The following ROBO1 variants were observed in gnomAD, a reference collection of about 807,000 sequenced individuals.
ROBO1 encodes the protein roundabout guidance receptor 1, also known as roundabout homolog 1.
In ROBO1, 149 loss-of-function variants were observed where a neutral mutation model predicts 195.9. The observed-to-expected ratio is 0.76, with a 90% confidence interval of 0.67 to 0.87. The LOEUF is 0.87. Among genes scored for constraint, ROBO1 ranks in the 40% least tolerant of loss-of-function variants. The pLI is 0.00. For missense variants in ROBO1, 1,933 were observed against 2,068.3 expected (o/e 0.93, Z 1.27); for synonymous variants, 816 against 733.2 (o/e 1.11, Z -1.82).
intron 29 of ROBO1, among the ~76,000 whole-genome samples, chr3:78,604,600 G>C (rs1278827951): frequency 6.6e-6 from 1 of 152,202 alleles, no homozygotes; most frequent in East Asian, 1.9e-4. Flanking sequence ...TCACACAATA[G>C]AGGCATCAGC....
At chr3:79,400,710 T>C (rs2037338376) in intron 2 of ROBO1, among the ~76,000 whole-genome samples, 1 of 152,014 alleles carries the variant, frequency 6.6e-6, no homozygotes, top group Non-Finnish European at 1.5e-5. Context: ...AAGTAGATTA[T>C]ATTAGGAGGA....
At chr3:78,832,735 G>A (rs1304118490) in intron 4 of ROBO1, among the ~76,000 whole-genome samples, 1 of 152,076 alleles carries the variant, frequency 6.6e-6, no homozygotes, top group Non-Finnish European at 1.5e-5. Flanking sequence ...GGTGAACTAG[G>A]TTGGTAGAAA....
At chr3:78,984,207 A>G (rs771967918) in intron 3 of ROBO1, among the ~76,000 whole-genome samples, 2 of 152,166 alleles carry the variant, frequency 1.3e-5, no homozygotes, top group Non-Finnish European at 2.9e-5. Context: ...GATGATGATG[A>G]TGACAATGAC....
chr3:79,371,734 A>G (rs923795723), intron 2 of ROBO1, among the ~76,000 whole-genome samples: 13 of 152,320 alleles, frequency 8.5e-5, no homozygotes, highest in African/African-American at 2.4e-4. Flanking sequence ...GAATTTGTGC[A>G]GTGAATCTCT....
intron 1 of ROBO1, among the ~76,000 whole-genome samples, chr3:79,682,834 T>A (rs1425265607): frequency 6.6e-6 from 1 of 152,040 alleles, no homozygotes; most frequent in Non-Finnish European, 1.5e-5. Context: ...GTTCATGAAG[T>A]TAGCCAGTAG....
intron 4 of ROBO1, among the ~76,000 whole-genome samples, chr3:78,793,340 A>G (rs932278549): frequency 2.6e-5 from 4 of 152,182 alleles, no homozygotes; most frequent in Admixed American, 6.5e-5. Context: ...AAAGATAGCG[A>G]TATCTGTCAA....
intron 2 of ROBO1, among the ~76,000 whole-genome samples, chr3:79,213,732 G>A (rs1220880857): frequency 6.6e-6 from 1 of 150,514 alleles, no homozygotes; most frequent in African/African-American, 2.5e-5. Context: ...CCCACCCACT[G>A]CTTTCCTGGG....
At chr3:78,983,796 G>A (rs1489788447) in intron 3 of ROBO1, among the ~76,000 whole-genome samples, 4 of 152,226 alleles carry the variant, frequency 2.6e-5, no homozygotes, top group Admixed American at 6.5e-5. Flanking sequence ...AGAAACTAGC[G>A]CCATCTTGGT....
intron 2 of ROBO1, among the ~76,000 whole-genome samples, chr3:79,283,737 G>A (rs549074193): frequency 6.8e-6 from 1 of 146,358 alleles, no homozygotes; most frequent in East Asian, 2.0e-4. Flanking sequence ...TCGCTCTGTC[G>A]CCCAGGCTGG....
In ROBO1 at chr3:78,711,356, TTCCTTCCTTCCTTCCTTCCTTCCTTC is replaced by T. The variant is rs1559772837; in HGVS notation, c.1045+3015_1045+3040del. ...CCTTCCTTCCTTCCTTCCTCCTTCC[TTCCTTCCTTCCTTCCTTCCTTCCTTC>T]CTTCCTTCCTTCCTTCCTTTCTTTC... On this transcript the variant is annotated intron_variant, in intron 8 of 30. Coordinates refer to ENST00000464233, the MANE Select transcript of ROBO1 (RefSeq NM_002941.4). 1.6e-3 allele frequency among the ~76,000 whole-genome samples: 65 copies of T among 40,224 alleles called. 7 individuals carry two copies. The highest frequency in any genetic ancestry group is 6.9e-3 in the African/African-American group (53 of 7,638). The allele number at this position is 40,224 out of a possible 152,430, so 26.4% of individuals were successfully genotyped here. A position where few individuals can be genotyped will look rare whatever the true frequency, so the allele number is the denominator to read the frequency against.
chr3:78,623,567 G>A (rs1704579010), intron 26 of ROBO1, among the ~76,000 whole-genome samples: 1 of 152,146 alleles, frequency 6.6e-6, no homozygotes, highest in African/African-American at 2.4e-5. Flanking sequence ...GCCATTGAGA[G>A]ATCTTAAGCA....
intron 2 of ROBO1, among the ~76,000 whole-genome samples, chr3:79,275,698 T>C (rs1305307478): frequency 6.6e-6 from 1 of 151,914 alleles, no homozygotes; most frequent in Non-Finnish European, 1.5e-5. Flanking sequence ...ATTGTGATGG[T>C]TGGCAGATAA....
At chr3:79,518,197 A>C (rs2107566563) in intron 2 of ROBO1, among the ~76,000 whole-genome samples, 1 of 152,298 alleles carries the variant, frequency 6.6e-6, no homozygotes, top group Admixed American at 6.5e-5. Flanking sequence ...TTTTCCTATA[A>C]GTGTATTTAG....
At chr3:79,474,972 G>A (rs1340802543) in intron 2 of ROBO1, among the ~76,000 whole-genome samples, 1 of 151,860 alleles carries the variant, frequency 6.6e-6, no homozygotes, top group Non-Finnish European at 1.5e-5. Context: ...TAGGAAAACT[G>A]GGAGAATTAA....
At chr3:79,344,698 T>TA (rs2035042360) in intron 2 of ROBO1, among the ~76,000 whole-genome samples, 1 of 152,020 alleles carries the variant, frequency 6.6e-6, no homozygotes, top group Non-Finnish European at 1.5e-5. Context: ...TAAAAATGCA[T>TA]ACATATATGC....
intron 3 of ROBO1, among the ~76,000 whole-genome samples, chr3:78,963,320 T>C (rs2041481540): frequency 1.3e-5 from 2 of 151,644 alleles, no homozygotes; most frequent in South Asian, 4.2e-4. Context: ...AATCAAAAGT[T>C]AAGTGAAGTG....
chr3:79,243,293 T>A (rs193104943), intron 2 of ROBO1, among the ~76,000 whole-genome samples: 2 of 152,128 alleles, frequency 1.3e-5, no homozygotes, highest in South Asian at 4.1e-4. Flanking sequence ...GCTATAAACA[T>A]ACGTGTGCAT....
intron 2 of ROBO1, among the ~76,000 whole-genome samples, chr3:79,461,959 AATCT>A (rs1270234220): frequency 3.9e-5 from 6 of 152,126 alleles, no homozygotes; most frequent in African/African-American, 1.2e-4. Context: ...CCAATCTATC[AATCT>A]ATTTATATCA....
chr3:78,614,901 AT>A, intron 27 of ROBO1, 101 bp from the exon 28 acceptor site: 1 of 1,221,516 alleles, frequency 8.2e-7, no homozygotes, highest in Non-Finnish European at 1.1e-6. Flanking sequence ...AACAGCTTTA[AT>A]TTTTCTGAAA....
Sources: allele counts gnomAD v4.1 joint callset (sites outside exome capture counted in the v4.1 genomes callset), GRCh38; gene constraint gnomAD v4.1.1; transcripts MANE v1.5; gene names NCBI Gene and HGNC (gene_info 2026-07-23, HGNC 2026-07-21).